The following AMOTL1 variants were observed in gnomAD, a reference collection of about 807,000 sequenced individuals.
AMOTL1 encodes angiomotin like 1.
In AMOTL1, 45 loss-of-function variants were observed where a neutral mutation model predicts 102.9. That is an observed-to-expected ratio of 0.44 (90% CI 0.34 to 0.56). The LOEUF is 0.56. Ranked by LOEUF, AMOTL1 falls within the 20% of genes least tolerant of loss-of-function variation. AMOTL1 has a pLI of 0.01. For missense variants in AMOTL1, 1,114 were observed against 1,225.6 expected (o/e 0.91, Z 1.36); for synonymous variants, 481 against 484.7 (o/e 0.99, Z 0.10).
chr11:94,729,178 G>A, intron 2 of AMOTL1: 2 of 619,134 alleles, frequency 3.2e-6, no homozygotes, highest in South Asian at 3.6e-5. Flanking sequence ...GCTGAGTGGA[G>A]AGGAGAGGGA....
chr11:94,724,596 T>C (rs745758701), intron 1 of AMOTL1, among the ~76,000 whole-genome samples: 3 of 152,166 alleles, frequency 2.0e-5, no homozygotes, highest in African/African-American at 7.2e-5. Context: ...CATCTATGCT[T>C]GTACTTGGTA....
intron 6 of AMOTL1, among the ~76,000 whole-genome samples, chr11:94,844,919 G>A (rs73518541): frequency 0.092 from 13,966 of 152,204 alleles, 1,143 homozygotes; most frequent in African/African-American, 0.22. Flanking sequence ...CCAGCTACAT[G>A]GGGTAGGGAA....
rs904656217 is a variant in AMOTL1, at chr11:94,859,793, G to A, written c.2135+78G>A. ...ACAAAACAAACAGGCTATCCAGAGA[G>A]GTCCAAGGCCCATCCTAGGGAGTGA... On this transcript the variant is annotated intron_variant, in intron 9 of 12. Coordinates refer to ENST00000433060, the MANE Select transcript of AMOTL1 (RefSeq NM_130847.3). 2.8e-6 allele frequency: 4 copies of A among 1,428,108 alleles called. No individual in the cohort carries two copies. In the African/African-American group the frequency reaches 5.7e-5, roughly 20 times the overall value. The allele number at this position is 1,428,108 out of a possible 1,614,324, so 88.5% of individuals were successfully genotyped here.
Position 94,865,953 on chromosome 11 carries a change from T to C in AMOTL1, c.2273T>C (p.Leu758Pro). 6.2e-7 allele frequency: 1 copy of C among 1,613,558 alleles called. No individual in the cohort carries two copies. Residue 758 changes from leucine (L) to proline (P), a missense_variant, in exon 11 of 13, where the codon CTC (leucine) becomes CCC (proline). Transcript: ENST00000433060. Reference protein sequence around the residue: ...CQDMEYTIKNLHAKIIEKDAM... With the variant: ...CQDMEYTIKNPHAKIIEKDAM... ...GTTTTGTTTTACAGTATTAAAAATC[T>C]CCATGCCAAAATCATAGAGAAAGAT...
intron 1 of AMOTL1, 138 bp from the exon 2 acceptor site, chr11:94,794,873 T>C: frequency 1.0e-6 from 1 of 1,000,650 alleles, no homozygotes; most frequent in South Asian, 2.0e-5. Flanking sequence ...ACTTTGGAAT[T>C]TTATGAATCA....
chr11:94,781,221 C>T (rs146341685), intron 1 of AMOTL1, among the ~76,000 whole-genome samples: 1 of 152,106 alleles, frequency 6.6e-6, no homozygotes, highest in African/African-American at 2.4e-5. Context: ...TCTGGGTGGG[C>T]GTCTAGCTCT....
At chr11:94,766,160 C>T (rs1428642247), upstream of AMOTL1, among the ~76,000 whole-genome samples, 1 of 152,194 alleles carries the variant, frequency 6.6e-6, no homozygotes, top group Non-Finnish European at 1.5e-5. Context: ...TTTATGACAT[C>T]TGGTATCTCC....
At chr11:94,723,623 T>C (rs1950209595) in intron 1 of AMOTL1, among the ~76,000 whole-genome samples, 1 of 152,124 alleles carries the variant, frequency 6.6e-6, no homozygotes, top group African/African-American at 2.4e-5. Context: ...AACTCTTCAA[T>C]TCTACAAAGC....
At chr11:94,734,332 A>C (rs1229273198) in intron 2 of AMOTL1, among the ~76,000 whole-genome samples, 2 of 152,186 alleles carry the variant, frequency 1.3e-5, no homozygotes, top group Non-Finnish European at 2.9e-5. Context: ...CCTGATTTTC[A>C]TTTAGGGAAA....
At chr11:94,756,670 G>T (rs1292069563) in intron 3 of AMOTL1, among the ~76,000 whole-genome samples, 3 of 152,084 alleles carry the variant, frequency 2.0e-5, no homozygotes, top group Admixed American at 6.5e-5. Context: ...CTTTCTAAAA[G>T]ATTTTGAAAT....
chr11:94,748,522 G>GACTAGCAATCTTCCTAAC, intron 3 of AMOTL1, among the ~76,000 whole-genome samples: 1 of 152,308 alleles, frequency 6.6e-6, no homozygotes, highest in South Asian at 2.1e-4. Flanking sequence ...GATGCTGGAT[G>GACTAGCAATCTTCCTAAC]ACTAGCAATC....
chr11:94,854,475 G>T (rs1565382694), intron 8 of AMOTL1, among the ~76,000 whole-genome samples: 1 of 152,192 alleles, frequency 6.6e-6, no homozygotes, highest in Non-Finnish European at 1.5e-5. Flanking sequence ...AGGGTAGCAG[G>T]GTGCAGGTAG....
intron 1 of AMOTL1, among the ~76,000 whole-genome samples, chr11:94,782,913 TC>T (rs1227866662): frequency 1.3e-5 from 2 of 152,250 alleles, no homozygotes; most frequent in Non-Finnish European, 1.5e-5. Flanking sequence ...AACTTTTTTT[TC>T]ATAAAAATAT....
chr11:94,827,101 T>G (rs1951982245), intron 4 of AMOTL1, among the ~76,000 whole-genome samples: 1 of 152,192 alleles, frequency 6.6e-6, no homozygotes, highest in Admixed American at 6.5e-5. Context: ...CAGTCAGTAT[T>G]TTGTCATGGG....
intron 3 of AMOTL1, among the ~76,000 whole-genome samples, chr11:94,819,894 G>C (rs1258707655): frequency 6.6e-6 from 1 of 152,192 alleles, no homozygotes; most frequent in Non-Finnish European, 1.5e-5. Context: ...GTGATTCTTA[G>C]GAAACAGGTT....
At position 94,818,690 on chromosome 11, in the gene AMOTL1, T is replaced by G. The variant is rs1419058273; in HGVS notation, c.1122-2840T>G. ...GTCTAATGTTTTTCAATGTTTATTATTTTCTATAGTTTGGACTGAATTCTA... is the reference window on the plus strand; with the variant it reads ...GTCTAATGTTTTTCAATGTTTATTAGTTTCTATAGTTTGGACTGAATTCTA... On this transcript the variant is annotated intron_variant, in intron 3 of 12. Coordinates refer to ENST00000433060, the MANE Select transcript of AMOTL1 (RefSeq NM_130847.3). 2.0e-5 allele frequency among the ~76,000 whole-genome samples: 3 copies of G among 152,226 alleles called. No homozygotes were observed. In the South Asian group the frequency reaches 6.2e-4, roughly 32 times the overall value.
intron 1 of AMOTL1, among the ~76,000 whole-genome samples, chr11:94,713,982 C>G (rs963444283): frequency 5.9e-5 from 9 of 151,950 alleles, no homozygotes; most frequent in African/African-American, 2.2e-4. Flanking sequence ...AAAGGAAAAG[C>G]ATTCAGTCTT....
chr11:94,771,363 T>G (rs1950949225), intron 1 of AMOTL1, among the ~76,000 whole-genome samples: 1 of 151,998 alleles, frequency 6.6e-6, no homozygotes, highest in Admixed American at 6.6e-5. Context: ...TATTTTTCAT[T>G]AATTTTGGCA....
In AMOTL1 at chr11:94,871,092, T is replaced by G; in HGVS notation, c.*297T>G. 4 of 244,336 alleles carry G rather than the reference T, an allele frequency of 1.6e-5. No individual in the cohort carries two copies. The highest frequency in any genetic ancestry group is 3.2e-5 in the Non-Finnish European group (4 of 125,950). 15.1% of individuals were successfully genotyped at this position (244,336 alleles called of 1,614,324 possible). On this transcript the variant is annotated 3_prime_UTR_variant, in exon 13 of 13. Coordinates refer to ENST00000433060, the MANE Select transcript of AMOTL1 (RefSeq NM_130847.3). ...TTTCATTGTACAGAAAATGTATCTC[T>G]TGGGGAGGGCCTGTGTACCCCCATT...
Sources: gnomAD v4.1 joint callset for allele counts (sites outside exome capture counted in the v4.1 genomes callset) on GRCh38, gnomAD v4.1.1 for gene constraint, MANE v1.5 for transcripts, NCBI Gene and HGNC (gene_info 2026-07-23, HGNC 2026-07-21) for gene names.